CYRIB: variants seen among roughly 807,000 people sequenced by gnomAD.
CYRIB encodes CYFIP related Rac1 interactor B, also known as CYFIP-related Rac1 interactor B.
A neutral mutation model predicts 44.2 loss-of-function variants in CYRIB; 8 were observed. The ratio of observed to expected loss-of-function variants is 0.18; its 90% CI spans 0.11 to 0.33. CYRIB has a LOEUF of 0.33. Among genes scored for constraint, CYRIB ranks in the 10% least tolerant of loss-of-function variants. The probability of loss-of-function intolerance (pLI) is 1.00; values close to 1 mark genes in which losing one functional copy is unlikely to be tolerated. For synonymous variants in CYRIB, 131 were observed against 127.2 expected (o/e 1.03, Z -0.20); for missense variants, 185 against 382.8 (o/e 0.48, Z 4.31).
intron 2 of CYRIB, among the ~76,000 whole-genome samples, chr8:129,954,052 G>A (rs962756731): frequency 7.2e-5 from 11 of 152,036 alleles, no homozygotes; most frequent in Admixed American, 3.9e-4. Flanking sequence ...TCCTGGTGCC[G>A]ATTTCATGTT....
chr8:129,937,587 C>A (rs145375061), intron 1 of CYRIB, among the ~76,000 whole-genome samples: 173 of 152,242 alleles, frequency 1.1e-3, no homozygotes, highest in African/African-American at 3.7e-3. Context: ...AAACGTCAAT[C>A]AAAAATCTAT....
chr8:129,916,167 A>C (rs2080663444), intron 1 of CYRIB, among the ~76,000 whole-genome samples: 1 of 152,158 alleles, frequency 6.6e-6, no homozygotes, highest in South Asian at 2.1e-4. Flanking sequence ...AATTCTATCC[A>C]ACTTTCTTCT....
chr8:129,976,845 T>A (rs959006868), intron 1 of CYRIB, among the ~76,000 whole-genome samples: 3 of 150,930 alleles, frequency 2.0e-5, no homozygotes, highest in Admixed American at 1.3e-4. Context: ...TTTTTTGGGG[T>A]TTTTTTTTAA....
At chr8:129,898,160 G>A (rs1355948248) in intron 2 of CYRIB, among the ~76,000 whole-genome samples, 5 of 151,830 alleles carry the variant, frequency 3.3e-5, no homozygotes, top group Non-Finnish European at 1.5e-5. Flanking sequence ...AAGAACCAAG[G>A]GCAGTGGAAA....
chr8:129,859,508 C>T (rs1389380172), intron 5 of CYRIB, among the ~76,000 whole-genome samples: 3 of 151,972 alleles, frequency 2.0e-5, no homozygotes, highest in African/African-American at 7.2e-5. Context: ...TGCTAAGTAG[C>T]GGGTGTTTTT....
At chr8:129,891,865 T>C (rs1842795) in intron 2 of CYRIB, among the ~76,000 whole-genome samples, 2,322 of 152,270 alleles carry the variant, frequency 0.015, 70 homozygotes, top group African/African-American at 0.053. Flanking sequence ...GAATGAAAAA[T>C]CTTATTTCAC....
chr8:129,988,864 C>T (rs1166341773), intron 1 of CYRIB, among the ~76,000 whole-genome samples: 1 of 150,774 alleles, frequency 6.6e-6, no homozygotes, highest in Admixed American at 6.6e-5. Flanking sequence ...ACAAAGAAAA[C>T]TTCTCTCAAC....
intron 6 of CYRIB, among the ~76,000 whole-genome samples, 158 bp from the exon 9 acceptor site, chr8:129,854,501 T>C (rs562033807): frequency 6.6e-6 from 1 of 152,352 alleles, no homozygotes; most frequent in African/African-American, 2.4e-5. Context: ...GGCTTATAAC[T>C]GTATTTAGTC....
In CYRIB at chr8:129,862,496, C is replaced by T. The variant is rs369046453; in HGVS notation, c.196-162G>A. ...TTGAATATTTTTTTTTTTGAGAGAG[C>T]GTCTCACTCTGTTGCCCAGGCTGAA... is the stretch of plus-strand genomic sequence containing the variant. On this transcript the variant is annotated intron_variant, in intron 4 of 11. Coordinates refer to ENST00000519824, the Ensembl canonical transcript of CYRIB. Among the ~76,000 whole-genome samples the T allele has an allele frequency of 3.2e-4, 48 of 150,794 alleles. 1 individual carries two copies. Among genetic ancestry groups the T allele is most frequent in the East Asian group, 1.9e-3 (10 of 5,148 alleles).
At chr8:129,880,742 T>A (rs192572904) in intron 2 of CYRIB, among the ~76,000 whole-genome samples, 133 of 152,346 alleles carry the variant, frequency 8.7e-4, no homozygotes, top group Non-Finnish European at 1.1e-3. Flanking sequence ...TATGTTAGTG[T>A]TACTCCTTTA....
At chr8:129,932,684 G>A (rs181679718) in intron 1 of CYRIB, among the ~76,000 whole-genome samples, 9 of 152,254 alleles carry the variant, frequency 5.9e-5, no homozygotes, top group Admixed American at 2.0e-4. Flanking sequence ...CTTGCAAGTA[G>A]GATAAAATCT....
intron 3 of CYRIB, among the ~76,000 whole-genome samples, chr8:129,877,832 T>C (rs1443831367): frequency 1.3e-5 from 2 of 152,096 alleles, no homozygotes; most frequent in Non-Finnish European, 2.9e-5. Context: ...TGCCAAGTCT[T>C]GAACAAGATC....
At chr8:129,983,834 C>T (rs1448346939) in intron 1 of CYRIB, among the ~76,000 whole-genome samples, 1 of 152,232 alleles carries the variant, frequency 6.6e-6, no homozygotes, top group Non-Finnish European at 1.5e-5. Context: ...GGGTGCGGAA[C>T]CGGGTGCAAG....
At chr8:129,990,699 G>A (rs72720328) in intron 1 of CYRIB, among the ~76,000 whole-genome samples, 17,966 of 151,650 alleles carry the variant, frequency 0.12, 1,101 homozygotes, top group South Asian at 0.26. Flanking sequence ...TTTCCTTTTT[G>A]TTTTTTTAGA....
intron 1 of CYRIB, among the ~76,000 whole-genome samples, chr8:129,971,657 T>C (rs2095697191): frequency 6.6e-6 from 1 of 152,204 alleles, no homozygotes; most frequent in Non-Finnish European, 1.5e-5. Context: ...TAAAGGATAT[T>C]GGGACCCTTG....
intron 2 of CYRIB, among the ~76,000 whole-genome samples, chr8:129,902,358 A>ACAGG (rs1168773098): frequency 6.6e-6 from 1 of 152,142 alleles, no homozygotes; most frequent in Admixed American, 6.5e-5. Flanking sequence ...AGCTGGGACT[A>ACAGG]CAGGCACACG....
At chr8:129,974,752 C>T (rs2095847023) in intron 1 of CYRIB, among the ~76,000 whole-genome samples, 1 of 150,224 alleles carries the variant, frequency 6.7e-6, no homozygotes, top group Non-Finnish European at 1.5e-5. Context: ...CAGGGTCTCA[C>T]TTTGTTGCCC....
intron 2 of CYRIB, among the ~76,000 whole-genome samples, chr8:129,964,701 T>G (rs530776745): frequency 6.6e-6 from 1 of 151,962 alleles, no homozygotes; most frequent in African/African-American, 2.4e-5. Context: ...CTGGGCAAGA[T>G]AGGGAGGCCC....
chr8:129,849,332 A>G, exon 10 of CYRIB: 1 of 1,613,568 alleles, frequency 6.2e-7, no homozygotes, highest in Non-Finnish European at 8.5e-7. Flanking sequence ...AAGCAGAATG[A>G]CACTGTCTCT....
Sources: allele counts gnomAD v4.1 joint callset (sites outside exome capture counted in the v4.1 genomes callset), GRCh38; gene constraint gnomAD v4.1.1; transcripts MANE v1.5; gene names NCBI Gene and HGNC (gene_info 2026-07-23, HGNC 2026-07-21).